KAZN: variants seen among roughly 807,000 people sequenced by gnomAD.
The protein encoded by KAZN is kazrin, periplakin interacting protein, also known as kazrin.
In KAZN, 40 loss-of-function variants were observed where a neutral mutation model predicts 87.4. The observed-to-expected ratio is 0.46, with a 90% CI of 0.36 to 0.60. The LOEUF is 0.60. Among genes scored for constraint, KAZN ranks in the 20% least tolerant of loss-of-function variants. The probability of loss-of-function intolerance (pLI) is 0.00; values close to 1 mark genes in which losing one functional copy is unlikely to be tolerated. For missense variants in KAZN, 898 were observed against 1,073.9 expected (o/e 0.84, Z 2.29); for synonymous variants, 466 against 458.3 (o/e 1.02, Z -0.22).
Position 14,934,653 on chromosome 1 carries a change from C to T in KAZN, c.227-26031C>T, listed in dbSNP as rs912899403. Among the ~76,000 whole-genome samples, 5 of 152,148 alleles carry T rather than the reference C, an allele frequency of 3.3e-5. No individual in the cohort carries two copies. The East Asian group carries it at 9.6e-4, about 29-fold the overall frequency. ...ATGAGACAGATTTTCTGTTCAGCAA[C>T]GGGACAGGCTGCCCTGGGAGGCAGT... On this transcript the variant is annotated intron_variant, in intron 1 of 14. Transcript: ENST00000376030.
chr1:13,922,571 A>T (rs1003627970), intron 1 of KAZN, among the ~76,000 whole-genome samples: 1 of 152,098 alleles, frequency 6.6e-6, no homozygotes. Context: ...TGCTGTGCTT[A>T]GAGGTTTTGC....
Position 13,893,735 on chromosome 1 carries a change from C to T in KAZN, c.70C>T (p.Gln24Ter). The stretch of plus-strand genomic sequence containing the variant: ...CACCTTCTCCCACGTCTTTGGTCAG[C>T]AGTGCCAACTTATGCAAGCAGGTAG... The change falls in exon 1 of 17, where the codon CAG becomes TAG. Residue 24 changes from glutamine (Q) to a stop codon, truncating the protein, a stop_gained. Transcript: ENST00000636203. LOFTEE classifies it high-confidence loss of function. 2 of 1,550,538 alleles carry T rather than the reference C, an allele frequency of 1.3e-6. No homozygotes were observed. The highest frequency in any genetic ancestry group is 1.7e-6 in the Non-Finnish European group (2 of 1,146,988).
intron 1 of KAZN, among the ~76,000 whole-genome samples, chr1:14,087,820 T>G (rs1434983474): frequency 6.6e-6 from 1 of 151,964 alleles, no homozygotes; most frequent in African/African-American, 2.4e-5. Context: ...CATGGTATAT[T>G]TTTTAGAATA....
intron 1 of KAZN, among the ~76,000 whole-genome samples, chr1:13,934,711 G>C (rs1248435965): frequency 6.6e-6 from 1 of 152,110 alleles, no homozygotes; most frequent in African/African-American, 2.4e-5. Flanking sequence ...ACCCAAAGTT[G>C]GAAGGGGTTC....
intron 1 of KAZN, chr1:13,893,868 C>G (rs1027108543): frequency 1.8e-5 from 23 of 1,263,940 alleles, no homozygotes. Flanking sequence ...TCTACCTCAT[C>G]TCTTTCTTGA....
chr1:14,496,468 T>C (rs1476830382), intron 2 of KAZN, among the ~76,000 whole-genome samples: 1 of 152,158 alleles, frequency 6.6e-6, no homozygotes, highest in Non-Finnish European at 1.5e-5. Flanking sequence ...TTTGATTTAA[T>C]CCTTGATATT....
intron 2 of KAZN, among the ~76,000 whole-genome samples, chr1:14,419,025 A>C (rs1394709663): frequency 2.6e-5 from 4 of 152,228 alleles, no homozygotes; most frequent in Non-Finnish European, 5.9e-5. Context: ...GTGTTCAATA[A>C]GCACATGGAA....
intron 2 of KAZN, among the ~76,000 whole-genome samples, chr1:14,188,192 AGCGTGT>A (rs1244173837): frequency 2.4e-5 from 2 of 82,054 alleles, no homozygotes; most frequent in Non-Finnish European, 5.1e-5. Flanking sequence ...GAGAGAGAGG[AGCGTGT>A]GTGTGTGTGT....
At chr1:14,129,248 A>C (rs910080373) in intron 1 of KAZN, among the ~76,000 whole-genome samples, 2 of 152,198 alleles carry the variant, frequency 1.3e-5, no homozygotes, top group African/African-American at 4.8e-5. Flanking sequence ...GTTGGAGGCC[A>C]GATAATACAG....
At chr1:14,466,905 G>C (rs1471202176) in intron 2 of KAZN, among the ~76,000 whole-genome samples, 3 of 152,052 alleles carry the variant, frequency 2.0e-5, no homozygotes, top group Admixed American at 6.6e-5. Context: ...GGAGGTGGAG[G>C]TTGCAGTGAG....
chr1:14,768,169 T>G (rs1478341116), intron 1 of KAZN, among the ~76,000 whole-genome samples: 1 of 152,238 alleles, frequency 6.6e-6, no homozygotes, highest in African/African-American at 2.4e-5. Context: ...CATGGATTCC[T>G]ACTATAATCA....
At chr1:14,507,181 T>C (rs1023773513) in intron 2 of KAZN, among the ~76,000 whole-genome samples, 2 of 152,242 alleles carry the variant, frequency 1.3e-5, no homozygotes, top group East Asian at 3.8e-4. Context: ...GCCAGGTCCT[T>C]ATTTTTAGTA....
chr1:14,217,116 C>T (rs1283097308), intron 2 of KAZN, among the ~76,000 whole-genome samples: 2 of 151,982 alleles, frequency 1.3e-5, no homozygotes, highest in African/African-American at 2.4e-5. Context: ...GCCTCCTTTC[C>T]CTCTCTCTTT....
chr1:14,339,947 C>G (rs538485672), intron 2 of KAZN, among the ~76,000 whole-genome samples: 47 of 152,310 alleles, frequency 3.1e-4, no homozygotes, highest in African/African-American at 1.1e-3. Flanking sequence ...TGCTACCTAT[C>G]GTCTTACCCT....
chr1:14,825,639 T>C (rs182413329), intron 1 of KAZN, among the ~76,000 whole-genome samples: 1 of 152,210 alleles, frequency 6.6e-6, no homozygotes, highest in African/African-American at 2.4e-5. Flanking sequence ...AGGACACATA[T>C]CTAGTAAGGG....
intron 1 of KAZN, chr1:14,924,173 G>C: frequency 1.0e-6 from 1 of 982,206 alleles, no homozygotes; most frequent in Non-Finnish European, 1.2e-6. Flanking sequence ...TTCCTCGCGT[G>C]CAGCAGGCGC....
chr1:14,938,408 G>T (rs1660692825), intron 1 of KAZN, among the ~76,000 whole-genome samples: 1 of 152,118 alleles, frequency 6.6e-6, no homozygotes, highest in Admixed American at 6.5e-5. Context: ...CAGGCGTGGT[G>T]GTGGACACCT....
chr1:14,661,826 G>A (rs1304082328), intron 1 of KAZN, among the ~76,000 whole-genome samples: 1 of 152,120 alleles, frequency 6.6e-6, no homozygotes, highest in Non-Finnish European at 1.5e-5. Context: ...TGAGGCGTGA[G>A]GATCACTTGA....
At chr1:14,289,367 G>C (rs888552709) in intron 2 of KAZN, among the ~76,000 whole-genome samples, 6 of 152,188 alleles carry the variant, frequency 3.9e-5, no homozygotes, top group Non-Finnish European at 5.9e-5. Flanking sequence ...GGGTGCTCCT[G>C]TATTGGGTGC....
Sources: allele counts gnomAD v4.1 joint callset (sites outside exome capture counted in the v4.1 genomes callset), GRCh38; gene constraint gnomAD v4.1.1; transcripts MANE v1.5; gene names NCBI Gene and HGNC (gene_info 2026-07-23, HGNC 2026-07-21).